Variants in HTR4 observed in about 807,000 individuals in gnomAD.
HTR4 encodes 5-hydroxytryptamine (serotonin) receptor 4, G protein-coupled.
A neutral mutation model predicts 36.8 loss-of-function variants in HTR4; 16 were observed. The observed-to-expected ratio is 0.43, with a 90% CI of 0.29 to 0.66. The LOEUF (loss-of-function observed/expected upper bound fraction) is 0.66. Among genes scored for constraint, HTR4 ranks in the 30% least tolerant of loss-of-function variants. The probability of loss-of-function intolerance (pLI) is 0.13; values close to 1 mark genes in which losing one functional copy is unlikely to be tolerated. For missense variants in HTR4, 438 were observed against 490.9 expected (o/e 0.89, Z 1.02); for synonymous variants, 189 against 185.1 (o/e 1.02, Z -0.17).
intron 4 of HTR4, among the ~76,000 whole-genome samples, chr5:148,537,081 A>C (rs1392144637): frequency 6.6e-6 from 1 of 152,238 alleles, no homozygotes; most frequent in African/African-American, 2.4e-5. Context: ...AAGGCTAAGA[A>C]AATTACTCAA....
intron 2 of HTR4, among the ~76,000 whole-genome samples, chr5:148,588,102 G>A (rs1296130076): frequency 2.6e-5 from 4 of 152,206 alleles, no homozygotes; most frequent in South Asian, 2.1e-4. Context: ...ACCAAGGCTC[G>A]TAAGATTGAG....
In HTR4 at chr5:148,599,989, C is replaced by T. The variant is rs149607218; in HGVS notation, c.26+37000G>A. On this transcript the variant is annotated intron_variant, in intron 2 of 6. Coordinates refer to ENST00000377888, the MANE Select transcript of HTR4 (RefSeq NM_000870.7). Reference sequence around the variant, plus strand: ...ATAATAAAAGACAAATTGGAATGTACTTCTAACAAATCAATAAAGGAGAAA... The same window carrying T: ...ATAATAAAAGACAAATTGGAATGTATTTCTAACAAATCAATAAAGGAGAAA... Among the ~76,000 whole-genome samples the T allele has an allele frequency of 7.1e-4, 108 of 151,360 alleles. 1 individual carries two copies. In the East Asian group the frequency reaches 0.018, roughly 25 times the overall value.
At chr5:148,601,723 C>A (rs781411006) in intron 2 of HTR4, among the ~76,000 whole-genome samples, 3 of 152,122 alleles carry the variant, frequency 2.0e-5, no homozygotes, top group Non-Finnish European at 4.4e-5. Flanking sequence ...ATCATTGGAG[C>A]TTGGAAGGCG....
intron 6 of HTR4, among the ~76,000 whole-genome samples, chr5:148,495,574 A>G (rs776828379): frequency 5.3e-5 from 8 of 152,092 alleles, no homozygotes; most frequent in Non-Finnish European, 1.2e-4. Context: ...GGTCCTTGGT[A>G]TTTGTCCAAT....
At chr5:148,465,706 G>T (rs2113698272) in intron 5 of HTR4, 2 of 989,560 alleles carry the variant, frequency 2.0e-6, no homozygotes, top group Admixed American at 3.5e-5. Flanking sequence ...ATTAATATGG[G>T]CTCTGCAGTT....
intron 4 of HTR4, among the ~76,000 whole-genome samples, chr5:148,547,599 A>G (rs1759455560): frequency 1.3e-5 from 2 of 151,178 alleles, no homozygotes; most frequent in South Asian, 4.2e-4. Flanking sequence ...ATAAAAATAA[A>G]AAACAGTGAT....
intron 6 of HTR4, among the ~76,000 whole-genome samples, chr5:148,495,138 C>T (rs991165690): frequency 6.6e-6 from 1 of 152,160 alleles, no homozygotes; most frequent in Non-Finnish European, 1.5e-5. Flanking sequence ...AACCCATCTC[C>T]AAAGCTAAAG....
At chr5:148,643,378 C>A (rs1753784196) in intron 1 of HTR4, among the ~76,000 whole-genome samples, 1 of 152,128 alleles carries the variant, frequency 6.6e-6, no homozygotes, top group African/African-American at 2.4e-5. Flanking sequence ...ACTTCCATTT[C>A]ATGTTGTGCT....
intron 2 of HTR4, among the ~76,000 whole-genome samples, chr5:148,570,569 T>C (rs1760633197): frequency 6.6e-6 from 1 of 152,012 alleles, no homozygotes; most frequent in Admixed American, 6.6e-5. Context: ...GAGAGCTACA[T>C]AACTTCGTCC....
chr5:148,580,013 A>C (rs980176652), intron 2 of HTR4, among the ~76,000 whole-genome samples: 1 of 151,992 alleles, frequency 6.6e-6, no homozygotes, highest in Admixed American at 6.6e-5. Context: ...GTTTTATTGA[A>C]TACCAAGGAG....
chr5:148,604,749 A>G (rs1373160403), intron 2 of HTR4, among the ~76,000 whole-genome samples: 1 of 152,254 alleles, frequency 6.6e-6, no homozygotes, highest in Non-Finnish European at 1.5e-5. Context: ...GCCAGACACT[A>G]AACAATATAG....
intron 2 of HTR4, among the ~76,000 whole-genome samples, chr5:148,615,839 C>T (rs183604263): frequency 3.3e-5 from 5 of 152,308 alleles, no homozygotes; most frequent in Admixed American, 3.3e-4. Context: ...ACTTGTCAAT[C>T]AATTTCTCCA....
chr5:148,519,346 A>C (rs573676359), intron 5 of HTR4, among the ~76,000 whole-genome samples: 14 of 152,226 alleles, frequency 9.2e-5, no homozygotes, highest in Admixed American at 2.6e-4. Flanking sequence ...TATGTTAACA[A>C]CCCTGCATTG....
chr5:148,514,699 A>T (rs1757653881), intron 5 of HTR4, among the ~76,000 whole-genome samples: 1 of 152,160 alleles, frequency 6.6e-6, no homozygotes, highest in African/African-American at 2.4e-5. Context: ...TCCTGTACAT[A>T]TTCAGTATCT....
chr5:148,490,572 C>A (rs1053127659), intron 6 of HTR4: 7 of 1,123,040 alleles, frequency 6.2e-6, no homozygotes, highest in Admixed American at 9.8e-5. Context: ...AAAAAAGGGG[C>A]TGAGAACGTG....
rs1040591624 is a variant in HTR4 at position 148,481,780 on chromosome 5, C to T, written c.*1423G>A. 8.6e-6 allele frequency: 12 copies of T among 1,400,386 alleles called. No homozygotes were observed. The highest frequency in any genetic ancestry group is 1.1e-5 in the Non-Finnish European group (12 of 1,085,508). 86.7% of individuals were successfully genotyped at this position (1,400,386 alleles called of 1,614,324 possible). ...GCTCTGGGTTTGGCATTTACCTTCC[C>T]GGGACTTCTGCTATGGGGCATTCGC... On this transcript the variant is annotated 3_prime_UTR_variant, in exon 7 of 7. Coordinates refer to ENST00000377888, the MANE Select transcript of HTR4 (RefSeq NM_000870.7).
chr5:148,528,043 A>G (rs1758367701), intron 4 of HTR4, among the ~76,000 whole-genome samples: 1 of 152,226 alleles, frequency 6.6e-6, no homozygotes, highest in African/African-American at 2.4e-5. Flanking sequence ...ACACAGATGT[A>G]GAAATTTGCT....
intron 1 of HTR4, among the ~76,000 whole-genome samples, chr5:148,637,685 C>G (rs1753594189): frequency 6.6e-6 from 1 of 152,088 alleles, no homozygotes; most frequent in Non-Finnish European, 1.5e-5. Context: ...TTCAAATTAC[C>G]AAAGTTCCTC....
chr5:148,520,570 C>T (rs976441981), intron 5 of HTR4, among the ~76,000 whole-genome samples: 1 of 152,140 alleles, frequency 6.6e-6, no homozygotes, highest in Non-Finnish European at 1.5e-5. Flanking sequence ...CTACCAATGA[C>T]TTTAGTGAAT....
Sources: allele counts gnomAD v4.1 joint callset (sites outside exome capture counted in the v4.1 genomes callset), GRCh38; gene constraint gnomAD v4.1.1; transcripts MANE v1.5; gene names NCBI Gene and HGNC (gene_info 2026-07-23, HGNC 2026-07-21).